Variants in PAFAH1B1 observed in about 807,000 individuals in gnomAD.
The protein encoded by PAFAH1B1 is platelet-activating factor acetylhydrolase IB subunit beta.
A neutral mutation model predicts 57.5 loss-of-function variants in PAFAH1B1; 2 were observed. The ratio of observed to expected loss-of-function variants is 0.03; its 90% CI spans 0.01 to 0.11. PAFAH1B1 has a LOEUF of 0.11. Ranked by LOEUF, PAFAH1B1 falls within the 10% of genes least tolerant of loss-of-function variation. PAFAH1B1 has a pLI of 1.00. For synonymous variants in PAFAH1B1, 152 were observed against 169.6 expected, an observed-to-expected ratio of 0.90 and a Z score of 0.81; for missense variants, 257 against 512.0, an observed-to-expected ratio of 0.50 and a Z score of 4.81.
intron 1 of PAFAH1B1, among the ~76,000 whole-genome samples, chr17:2,596,208 A>T (rs2068082749): frequency 6.6e-6 from 1 of 151,782 alleles, no homozygotes; most frequent in Non-Finnish European, 1.5e-5. Context: ...ATAAAGATAC[A>T]CACACACATA....
chr17:2,666,115 A>G, intron 4 of PAFAH1B1, 25 bp downstream of exon 4: 1 of 1,425,372 alleles, frequency 7.0e-7, no homozygotes, highest in Non-Finnish European at 9.6e-7. Flanking sequence ...TTTCTTTAAA[A>G]TTAGTTGTAT....
At chr17:2,636,514 A>G (rs1217337374) in intron 1 of PAFAH1B1, among the ~76,000 whole-genome samples, 1 of 152,026 alleles carries the variant, frequency 6.6e-6, no homozygotes, top group Non-Finnish European at 1.5e-5. Context: ...GTACAGTAGC[A>G]TGTTGGCTCA....
intron 6 of PAFAH1B1, among the ~76,000 whole-genome samples, chr17:2,671,429 G>A (rs1158172625): frequency 1.3e-5 from 2 of 151,898 alleles, no homozygotes; most frequent in African/African-American, 2.4e-5. Context: ...AGCTGGTCTC[G>A]AACTCCTGAC....
chr17:2,637,349 G>A (rs1700632512), intron 1 of PAFAH1B1, among the ~76,000 whole-genome samples: 1 of 152,118 alleles, frequency 6.6e-6, no homozygotes, highest in Admixed American at 6.6e-5. Flanking sequence ...CACTTTGGGA[G>A]ACTGAGGCAG....
intron 2 of PAFAH1B1, among the ~76,000 whole-genome samples, chr17:2,650,639 C>T (rs1309480587): frequency 9.2e-6 from 1 of 108,834 alleles, no homozygotes; most frequent in Non-Finnish European, 1.9e-5. Flanking sequence ...GACTCTGTCT[C>T]AAAAAAAAAA....
Position 2,684,448 on chromosome 17 carries a change from C to T in PAFAH1B1, c.*2646C>T, listed in dbSNP as rs2151678183. On this transcript the variant is annotated 3_prime_UTR_variant, in exon 11 of 11. Coordinates refer to ENST00000397195, the MANE Select transcript of PAFAH1B1 (RefSeq NM_000430.4). ...GTTTAGAGGTTCACTGCTGCTTTGT[C>T]ACTTTCTCAATCAAATTGGCCACTT... is the stretch of plus-strand genomic sequence containing the variant. 1 of 152,758 alleles carries T rather than the reference C, an allele frequency of 6.5e-6. No individual in the cohort carries two copies. Among genetic ancestry groups the T allele is most frequent in the East Asian group, 1.9e-4 (1 of 5,190 alleles). The allele number at this position is 152,758 out of a possible 1,614,324, so 9.5% of individuals were successfully genotyped here. A position where few individuals can be genotyped will look rare whatever the true frequency, so the allele number is the denominator to read the frequency against.
At chr17:2,639,506 G>A (rs1270329567) in intron 2 of PAFAH1B1, 1 of 152,006 alleles carries the variant, frequency 6.6e-6, no homozygotes, top group African/African-American at 2.4e-5. Flanking sequence ...ATTTTTATAG[G>A]TGAAGAACAT....
At chr17:2,605,388 T>C (rs1235244627) in intron 1 of PAFAH1B1, among the ~76,000 whole-genome samples, 1 of 152,212 alleles carries the variant, frequency 6.6e-6, no homozygotes, top group Non-Finnish European at 1.5e-5. Context: ...CAAGTCACTT[T>C]GTTGCCAAAA....
intron 1 of PAFAH1B1, among the ~76,000 whole-genome samples, chr17:2,620,195 A>G (rs975744184): frequency 2.6e-5 from 4 of 152,220 alleles, no homozygotes; most frequent in African/African-American, 9.6e-5. Flanking sequence ...TTAGAACTTT[A>G]GGTGAGATTC....
At chr17:2,603,345 G>A (rs1464003569) in intron 1 of PAFAH1B1, among the ~76,000 whole-genome samples, 1 of 152,122 alleles carries the variant, frequency 6.6e-6, no homozygotes, top group Admixed American at 6.6e-5. Flanking sequence ...TACAGGCCAG[G>A]CGCGGTGGCT....
intron 5 of PAFAH1B1, among the ~76,000 whole-genome samples, chr17:2,668,831 C>G (rs995246163): frequency 2.0e-5 from 3 of 151,944 alleles, no homozygotes; most frequent in African/African-American, 7.3e-5. Flanking sequence ...AAAAAATTAG[C>G]CGGGAGTGAT....
At chr17:2,601,743 A>G (rs560533535) in intron 1 of PAFAH1B1, among the ~76,000 whole-genome samples, 1 of 152,118 alleles carries the variant, frequency 6.6e-6, no homozygotes, top group South Asian at 2.1e-4. Context: ...CGCCCGGCCT[A>G]ATTTTTCTAT....
chr17:2,671,759 C>T (rs1352805952), intron 6 of PAFAH1B1, among the ~76,000 whole-genome samples: 1 of 151,942 alleles, frequency 6.6e-6, no homozygotes, highest in East Asian at 1.9e-4. Context: ...AGCACCACCA[C>T]ACCCGGCTAA....
At chr17:2,594,589 G>A (rs1272325877) in intron 1 of PAFAH1B1, among the ~76,000 whole-genome samples, 1 of 152,164 alleles carries the variant, frequency 6.6e-6, no homozygotes, top group Non-Finnish European at 1.5e-5. Context: ...GCGGAGGGTG[G>A]CCCACCGTCT....
chr17:2,595,048 G>C (rs2068070091), intron 1 of PAFAH1B1, among the ~76,000 whole-genome samples: 1 of 152,162 alleles, frequency 6.6e-6, no homozygotes, highest in Non-Finnish European at 1.5e-5. Context: ...TTCTTTTGGG[G>C]TTTGGGCCCA....
At chr17:2,669,046 T>G (rs1484629517) in intron 5 of PAFAH1B1, among the ~76,000 whole-genome samples, 4 of 152,100 alleles carry the variant, frequency 2.6e-5, no homozygotes, top group Non-Finnish European at 5.9e-5. Flanking sequence ...TGATAAGATT[T>G]TGATAAAGTA....
chr17:2,622,050 C>T (rs2068432017), intron 1 of PAFAH1B1, among the ~76,000 whole-genome samples: 1 of 152,238 alleles, frequency 6.6e-6, no homozygotes, highest in East Asian at 1.9e-4. Flanking sequence ...ACGAGAATAG[C>T]ATGGGAAAGA....
intron 1 of PAFAH1B1, among the ~76,000 whole-genome samples, chr17:2,605,325 TG>T (rs1358669248): frequency 3.9e-5 from 6 of 152,110 alleles, no homozygotes; most frequent in Non-Finnish European, 8.8e-5. Flanking sequence ...GAGGAGGAGT[TG>T]TATAGAATAT....
At chr17:2,665,662 CGT>C (rs1427776714) in intron 3 of PAFAH1B1, among the ~76,000 whole-genome samples, 2 of 151,754 alleles carry the variant, frequency 1.3e-5, no homozygotes, top group Admixed American at 6.6e-5. Flanking sequence ...AGTGCAGTGG[CGT>C]GATCTCGGCT....
Sources: gnomAD v4.1 joint callset for allele counts (sites outside exome capture counted in the v4.1 genomes callset) on GRCh38, gnomAD v4.1.1 for gene constraint, MANE v1.5 for transcripts, NCBI Gene and HGNC (gene_info 2026-07-23, HGNC 2026-07-21) for gene names.